The following RPL41 variants were observed in gnomAD, a reference collection of about 807,000 sequenced individuals.
RPL41 encodes the protein ribosomal protein L41.
Under a neutral mutation model 7.3 loss-of-function variants are expected in RPL41, and 3 were observed. That is an observed-to-expected ratio of 0.41 (90% CI 0.19 to 1.06). The LOEUF is 1.06. Ranked by LOEUF, RPL41 falls within the 50% of genes least tolerant of loss-of-function variation. RPL41 has a pLI of 0.32. For synonymous variants in RPL41, 9 were observed against 7.4 expected, an observed-to-expected ratio of 1.21 and a Z score of -0.34; for missense variants, 13 against 30.4, an observed-to-expected ratio of 0.43 and a Z score of 1.35.
At position 56,116,819 on chromosome 12, in the gene RPL41, A is replaced by C; in HGVS notation, c.12+20A>C. On this transcript the variant is annotated intron_variant, in intron 1 of 2. Transcript: ENST00000546591. ...GCCAAGGTGAGCGGTTCCTGGTAGT[A>C]AGCTTGGGAGGTAGGAGTTGGCGAG... 1.9e-6 allele frequency: 3 copies of C among 1,614,000 alleles called. No homozygotes were observed. Among genetic ancestry groups the C allele is most frequent in the Non-Finnish European group, 2.5e-6 (3 of 1,179,874 alleles).
intron 2 of RPL41, 93 bp from the exon 3 acceptor site, chr12:56,117,389 C>T: frequency 6.9e-7 from 1 of 1,445,770 alleles, no homozygotes; most frequent in Non-Finnish European, 9.5e-7. Context: ...GTTCATTTTA[C>T]CACCTCATTC....
rs551486916 is a variant in RPL41, at chr12:56,116,656, T to G, written c.-132T>G. Reference sequence around the variant, plus strand: ...TTCTCTCGGCCTTAGCGCCATTTTTTTGGGTGAGTGTTTTTTGGTTCCTGC... The same window carrying G: ...TTCTCTCGGCCTTAGCGCCATTTTTGTGGGTGAGTGTTTTTTGGTTCCTGC... On this transcript the variant is annotated 5_prime_UTR_variant, in exon 1 of 3. Coordinates refer to ENST00000546591, the MANE Select transcript of RPL41 (RefSeq NM_001035267.2). 50 of 1,118,530 alleles carry G rather than the reference T, an allele frequency of 4.5e-5. No individual in the cohort carries two copies. In the East Asian group the frequency reaches 1.1e-3, roughly 24 times the overall value. 69.3% of individuals were successfully genotyped at this position (1,118,530 alleles called of 1,614,324 possible).
chr12:56,117,090 A>T (rs1481096346), intron 1 of RPL41, 99 bp from the exon 2 acceptor site: 11 of 1,466,480 alleles, frequency 7.5e-6, no homozygotes, highest in African/African-American at 1.4e-5. Flanking sequence ...GTCCGGTTCT[A>T]AAGAGTGCAT....
Position 56,116,673 on chromosome 12 carries a change from G to A in RPL41, c.-115G>A, listed in dbSNP as rs990928548. ...CCATTTTTTTGGGTGAGTGTTTTTT[G>A]GTTCCTGCGTTGGGATTCCGTGTAC... On this transcript the variant is annotated 5_prime_UTR_variant, in exon 1 of 3. Coordinates refer to ENST00000546591, the MANE Select transcript of RPL41 (RefSeq NM_001035267.2). 1.5e-6 allele frequency: 2 copies of A among 1,300,478 alleles called. No homozygotes were observed. The highest frequency in any genetic ancestry group is 2.2e-6 in the Non-Finnish European group (2 of 900,034). 80.6% of individuals were successfully genotyped at this position (1,300,478 alleles called of 1,614,324 possible). A position where few individuals can be genotyped will look rare whatever the true frequency, so the allele number is the denominator to read the frequency against.
chr12:56,117,229 C>T lies in RPL41; in HGVS notation c.35+18C>T. Reference sequence around the variant, plus strand: ...ATGCGCAGGTACGTTGAGACTTTGCCAGCCCAGGAGGAGGGAAGTTCCTTG... The same window carrying T: ...ATGCGCAGGTACGTTGAGACTTTGCTAGCCCAGGAGGAGGGAAGTTCCTTG... On this transcript the variant is annotated intron_variant, in intron 2 of 2. Transcript: ENST00000546591. The T allele has an allele frequency of 6.3e-7, 1 of 1,597,826 alleles. No homozygotes were observed. The highest frequency in any genetic ancestry group is 8.5e-7 in the Non-Finnish European group (1 of 1,175,660).
chr12:56,116,662 G>A lies in RPL41; in HGVS notation c.-126G>A. 1.7e-6 allele frequency: 2 copies of A among 1,168,452 alleles called. No homozygotes were observed. Among genetic ancestry groups the A allele is most frequent in the South Asian group, 2.5e-5 (2 of 80,780 alleles). The allele number at this position is 1,168,452 out of a possible 1,614,324, so 72.4% of individuals were successfully genotyped here. ...CGGCCTTAGCGCCATTTTTTTGGGT[G>A]AGTGTTTTTTGGTTCCTGCGTTGGG... On this transcript the variant is annotated 5_prime_UTR_variant, in exon 1 of 3. Transcript: ENST00000546591.
Position 56,116,678 on chromosome 12 carries a change from C to G in RPL41, c.-110C>G, listed in dbSNP as rs917881720. The G allele has an allele frequency of 3.6e-5, 49 of 1,358,148 alleles. No homozygotes were observed. Among genetic ancestry groups the G allele is most frequent in the South Asian group, 1.9e-4 (16 of 85,132 alleles). 84.1% of individuals were successfully genotyped at this position (1,358,148 alleles called of 1,614,324 possible). On this transcript the variant is annotated 5_prime_UTR_variant, in exon 1 of 3. Coordinates refer to ENST00000546591, the MANE Select transcript of RPL41 (RefSeq NM_001035267.2). The stretch of plus-strand genomic sequence containing the variant: ...TTTTTGGGTGAGTGTTTTTTGGTTC[C>G]TGCGTTGGGATTCCGTGTACAATCC...
chr12:56,117,646 A>C lies in RPL41; in HGVS notation c.*122A>C, dbSNP rs1050053264. 4 of 790,990 alleles carry C rather than the reference A, an allele frequency of 5.1e-6. No homozygotes were observed. In the African/African-American group the frequency reaches 6.8e-5, roughly 14 times the overall value. 49.0% of individuals were successfully genotyped at this position (790,990 alleles called of 1,614,324 possible). A position where few individuals can be genotyped will look rare whatever the true frequency, so the allele number is the denominator to read the frequency against. ...GTCTAGAGCTTGTCTCAATGGATCTAGAACTTCATCGCCCTCTGATCGCCG... is the reference window on the plus strand; with the variant it reads ...GTCTAGAGCTTGTCTCAATGGATCTCGAACTTCATCGCCCTCTGATCGCCG... On this transcript the variant is annotated 3_prime_UTR_variant, in exon 3 of 3. Coordinates refer to ENST00000546591, the MANE Select transcript of RPL41 (RefSeq NM_001035267.2).
chr12:56,116,718 T>C lies in RPL41; in HGVS notation c.-70T>C. The C allele has an allele frequency of 4.4e-6, 7 of 1,577,060 alleles. No homozygotes were observed. The highest frequency in any genetic ancestry group is 6.1e-6 in the Non-Finnish European group (7 of 1,146,290). On this transcript the variant is annotated 5_prime_UTR_variant, in exon 1 of 3. Coordinates refer to ENST00000546591, the MANE Select transcript of RPL41 (RefSeq NM_001035267.2). The stretch of plus-strand genomic sequence containing the variant: ...GTGTACAATCCATAGACATCTGACC[T>C]CGGCACTTAGCATCATCACAGCAAA...
chr12:56,117,069 G>A, intron 1 of RPL41, 120 bp from the exon 2 acceptor site: 4 of 1,381,036 alleles, frequency 2.9e-6, no homozygotes, highest in Non-Finnish European at 2.9e-6. Flanking sequence ...ATACTTCTTG[G>A]TTAAGAATCT....
intron 1 of RPL41, 40 bp from the exon 2 acceptor site, chr12:56,117,149 T>TC (rs753123667): frequency 6.7e-7 from 1 of 1,498,052 alleles, no homozygotes; most frequent in East Asian, 2.4e-5. Context: ...TTTTTTTTTT[T>TC]TTTTTTTTTA....
intron 1 of RPL41, 29 bp from the exon 2 acceptor site, chr12:56,117,154 TTTTTAA>T (rs1339921793): frequency 6.6e-7 from 1 of 1,516,314 alleles, no homozygotes; most frequent in Non-Finnish European, 8.8e-7. Flanking sequence ...TTTTTTTTTT[TTTTTAA>T]TTATCTGCTG....
chr12:56,117,093 G>T (rs968428350), intron 1 of RPL41, 96 bp from the exon 2 acceptor site: 3 of 1,468,648 alleles, frequency 2.0e-6, no homozygotes, highest in Non-Finnish European at 1.8e-6. Context: ...CGGTTCTAAA[G>T]AGTGCATTTC....
At chr12:56,117,138 C>CTTT (rs535158816) in intron 1 of RPL41, 51 bp from the exon 2 acceptor site, 1,456 of 1,421,072 alleles carry the variant, frequency 1.0e-3, no homozygotes, top group South Asian at 4.8e-3. Flanking sequence ...AGCTTCATCC[C>CTTT]TTTTTTTTTT....
In RPL41 at chr12:56,117,671, G is replaced by T; in HGVS notation, c.*147G>T. 5 of 691,978 alleles carry T rather than the reference G, an allele frequency of 7.2e-6. No homozygotes were observed. Among genetic ancestry groups the T allele is most frequent in the Admixed American group, 4.2e-5 (2 of 47,852 alleles). 42.9% of individuals were successfully genotyped at this position (691,978 alleles called of 1,614,324 possible). ...AGAACTTCATCGCCCTCTGATCGCC[G>T]ATCACCTCTGAGACCCACCTTGCTC... On this transcript the variant is annotated 3_prime_UTR_variant, in exon 3 of 3. Coordinates refer to ENST00000546591, the MANE Select transcript of RPL41 (RefSeq NM_001035267.2).
chr12:56,116,741 AAACT>A lies in RPL41; in HGVS notation c.-42_-39del. ...CCTCGGCACTTAGCATCATCACAGC[AAACT>A]AACTGTAGCCTTTCTCTCTTTCCCT... On this transcript the variant is annotated 5_prime_UTR_variant, in exon 1 of 3. Transcript: ENST00000546591. 1.2e-6 allele frequency: 2 copies of A among 1,612,818 alleles called. No individual in the cohort carries two copies. The highest frequency in any genetic ancestry group is 1.7e-6 in the Non-Finnish European group (2 of 1,178,808).
chr12:56,117,008 A>C (rs1869626362), intron 1 of RPL41, 181 bp from the exon 2 acceptor site: 8 of 1,077,406 alleles, frequency 7.4e-6, no homozygotes, highest in African/African-American at 3.2e-5. Flanking sequence ...TTCTGATCTT[A>C]TGTTGGGAGG....
intron 1 of RPL41, 155 bp downstream of exon 1, chr12:56,116,954 T>C: frequency 8.6e-7 from 1 of 1,164,358 alleles, no homozygotes; most frequent in Non-Finnish European, 1.3e-6. Flanking sequence ...GAGCTAGCGG[T>C]TAAGTGCTAT....
rs1042394639 is a variant in RPL41, at chr12:56,116,700, A to C, written c.-88A>C. 1.3e-6 allele frequency: 2 copies of C among 1,497,934 alleles called. No homozygotes were observed. Among genetic ancestry groups the C allele is most frequent in the East Asian group, 2.3e-5 (1 of 44,312 alleles). The allele number at this position is 1,497,934 out of a possible 1,614,324, so 92.8% of individuals were successfully genotyped here. On this transcript the variant is annotated 5_prime_UTR_variant, in exon 1 of 3. Coordinates refer to ENST00000546591, the MANE Select transcript of RPL41 (RefSeq NM_001035267.2). Reference sequence around the variant, plus strand: ...TTCCTGCGTTGGGATTCCGTGTACAATCCATAGACATCTGACCTCGGCACT... The same window carrying C: ...TTCCTGCGTTGGGATTCCGTGTACACTCCATAGACATCTGACCTCGGCACT...
Sources: gnomAD v4.1 joint callset for allele counts on GRCh38, gnomAD v4.1.1 for gene constraint, MANE v1.5 for transcripts, NCBI Gene and HGNC (gene_info 2026-07-23, HGNC 2026-07-21) for gene names.